The following CHRNA7 variants were observed in gnomAD, a reference collection of about 807,000 sequenced individuals.
CHRNA7 encodes the protein cholinergic receptor nicotinic alpha 7 subunit.
In CHRNA7, 17 loss-of-function variants were observed where a neutral mutation model predicts 48.0. That is an observed-to-expected ratio of 0.35 (90% CI 0.24 to 0.53). The LOEUF is 0.53. CHRNA7 is among the 20% of genes least tolerant of loss of function. The pLI, the probability that CHRNA7 is intolerant of heterozygous loss-of-function variation, is 0.92. For missense variants in CHRNA7, 155 were observed against 577.7 expected (o/e 0.27, Z 7.50); for synonymous variants, 75 against 242.3 (o/e 0.31, Z 6.41).
At chr15:32,121,426 T>C (rs911593871) in intron 4 of CHRNA7, among the ~76,000 whole-genome samples, 3 of 152,190 alleles carry the variant, frequency 2.0e-5, no homozygotes, top group Admixed American at 2.0e-4. Context: ...ATTGAGGAAA[T>C]GGTTCCTGAA....
At chr15:32,125,900 C>T (rs2051057770) in intron 4 of CHRNA7, among the ~76,000 whole-genome samples, 4 of 152,144 alleles carry the variant, frequency 2.6e-5, no homozygotes, top group African/African-American at 9.6e-5. Context: ...GGCTGGAAGT[C>T]ATGAATTTCA....
At chr15:32,115,491 A>G (rs1368981040) in intron 4 of CHRNA7, among the ~76,000 whole-genome samples, 1 of 151,860 alleles carries the variant, frequency 6.6e-6, no homozygotes. Context: ...TGACCAGCCT[A>G]TCCCTACCCT....
intron 2 of CHRNA7, among the ~76,000 whole-genome samples, chr15:32,031,791 A>G (rs1265042829): frequency 6.6e-6 from 1 of 152,230 alleles, no homozygotes; most frequent in Non-Finnish European, 1.5e-5. Context: ...TTCATGGTAT[A>G]TTCTCCATAC....
At chr15:32,102,874 A>G (rs908859123) in intron 3 of CHRNA7, 3 of 152,226 alleles carry the variant, frequency 2.0e-5, no homozygotes, top group Non-Finnish European at 1.5e-5. Context: ...AGTTTTTATC[A>G]AATGTATCAG....
chr15:32,138,877 C>T (rs2051324627), intron 4 of CHRNA7, among the ~76,000 whole-genome samples: 2 of 152,272 alleles, frequency 1.3e-5, no homozygotes, highest in South Asian at 4.2e-4. Context: ...CCTCAGCCTC[C>T]TGAGTGGCTG....
rs2049622400 is a variant in CHRNA7, at chr15:32,049,439, G to C, written c.195+18402G>C. ...CTCTTTTGATCTTTGTTGGTTTAAA[G>C]TCTGTTTTATCAGAGACTAGGATTG... On this transcript the variant is annotated intron_variant, in intron 2 of 9. Transcript: ENST00000306901. Among the ~76,000 whole-genome samples the C allele has an allele frequency of 2.0e-5, 3 of 152,070 alleles. No homozygotes were observed. The South Asian group carries it at 6.2e-4, about 32-fold the overall frequency.
At chr15:32,054,330 T>C (rs1027782170) in intron 2 of CHRNA7, among the ~76,000 whole-genome samples, 1 of 152,082 alleles carries the variant, frequency 6.6e-6, no homozygotes, top group Non-Finnish European at 1.5e-5. Context: ...CAGGAAACAG[T>C]TTGTTTAAGT....
chr15:32,035,046 A>G (rs1439397630), intron 2 of CHRNA7, among the ~76,000 whole-genome samples: 1 of 152,252 alleles, frequency 6.6e-6, no homozygotes, highest in Non-Finnish European at 1.5e-5. Flanking sequence ...TCTATGATCT[A>G]TAACTGTGTG....
At chr15:32,136,514 A>C (rs1000028368) in intron 4 of CHRNA7, among the ~76,000 whole-genome samples, 3 of 146,656 alleles carry the variant, frequency 2.0e-5, no homozygotes, top group African/African-American at 5.2e-5. Context: ...AAAAAAAAAA[A>C]GATGGAATTA....
At chr15:32,135,916 G>T (rs186154351) in intron 4 of CHRNA7, among the ~76,000 whole-genome samples, 1 of 152,110 alleles carries the variant, frequency 6.6e-6, no homozygotes, top group Non-Finnish European at 1.5e-5. Context: ...AAAAATAAAC[G>T]AAAATAACGT....
rs1304855918 is a variant in CHRNA7 at position 32,161,603 on chromosome 15, AAG to A, written c.881-1618_881-1617del. The A allele has an allele frequency of 1.6e-4, 18 of 114,302 alleles. No individual in the cohort carries two copies. The South Asian group carries it at 5.8e-3, about 37-fold the overall frequency. The allele number at this position is 114,302 out of a possible 1,614,324, so 7.1% of individuals were successfully genotyped here. A position where few individuals can be genotyped will look rare whatever the true frequency, so the allele number is the denominator to read the frequency against. On this transcript the variant is annotated intron_variant, in intron 8 of 9. Transcript: ENST00000306901. ...TCTCGCTGTGGCCTCACGTGGCAAA[AAG>A]AGAGTGAATTAGCTCTTTAGCCTCT... is the stretch of plus-strand genomic sequence containing the variant.
In CHRNA7 at chr15:32,039,401, A is replaced by G. The variant is rs562541207; in HGVS notation, c.195+8364A>G. Among the ~76,000 whole-genome samples, 10 of 152,284 alleles carry G rather than the reference A, an allele frequency of 6.6e-5. No individual in the cohort carries two copies. In the East Asian group the frequency reaches 1.7e-3, roughly 26 times the overall value. ...ACATTTCAATACTGTATTCAGGGCTATAGATTTTCGCTTAAGGACTTCTTT... is the reference window on the plus strand; with the variant it reads ...ACATTTCAATACTGTATTCAGGGCTGTAGATTTTCGCTTAAGGACTTCTTT... On this transcript the variant is annotated intron_variant, in intron 2 of 9. Transcript: ENST00000306901.
chr15:32,031,274 A>C (rs560398608), intron 2 of CHRNA7, among the ~76,000 whole-genome samples: 1 of 152,142 alleles, frequency 6.6e-6, no homozygotes, highest in African/African-American at 2.4e-5. Flanking sequence ...CACCCTGGCC[A>C]CCTGTGCATG....
At chr15:32,067,190 C>T (rs935085766) in intron 2 of CHRNA7, among the ~76,000 whole-genome samples, 3 of 151,590 alleles carry the variant, frequency 2.0e-5, no homozygotes, top group Non-Finnish European at 4.4e-5. Context: ...TAACAAACTA[C>T]AGGAAGGATA....
intron 2 of CHRNA7, among the ~76,000 whole-genome samples, chr15:32,094,767 T>C (rs1406029973): frequency 2.6e-5 from 4 of 152,204 alleles, no homozygotes; most frequent in South Asian, 4.1e-4. Flanking sequence ...TTCGTGCCAT[T>C]CTCCTGCCTC....
intron 2 of CHRNA7, among the ~76,000 whole-genome samples, chr15:32,067,401 A>G (rs1228335837): frequency 6.6e-6 from 1 of 152,246 alleles, no homozygotes; most frequent in Non-Finnish European, 1.5e-5. Flanking sequence ...AAAAGACTTT[A>G]AGAATTCTAT....
At chr15:32,109,315 G>A (rs778908923) in intron 3 of CHRNA7, among the ~76,000 whole-genome samples, 5 of 152,128 alleles carry the variant, frequency 3.3e-5, no homozygotes, top group African/African-American at 4.8e-5. Flanking sequence ...GGTCACTCTC[G>A]TGGCCATCTT....
At chr15:32,073,742 G>T (rs1034885562) in intron 2 of CHRNA7, among the ~76,000 whole-genome samples, 3 of 152,072 alleles carry the variant, frequency 2.0e-5, no homozygotes, top group African/African-American at 7.2e-5. Context: ...AGCACCACTT[G>T]CCCTCTATCT....
chr15:32,136,337 A>G (rs1439304235), intron 4 of CHRNA7, among the ~76,000 whole-genome samples: 2 of 151,952 alleles, frequency 1.3e-5, no homozygotes, highest in East Asian at 3.9e-4. Context: ...CTAAAAATAC[A>G]AAAATTAGCC....
Sources: allele counts gnomAD v4.1 joint callset (sites outside exome capture counted in the v4.1 genomes callset), GRCh38; gene constraint gnomAD v4.1.1; transcripts MANE v1.5; gene names NCBI Gene and HGNC (gene_info 2026-07-23, HGNC 2026-07-21).